The following NID1 variants were observed in gnomAD, a reference collection of about 807,000 sequenced individuals.
The protein encoded by NID1 is nidogen-1.
A neutral mutation model predicts 130.6 loss-of-function variants in NID1; 76 were observed. The ratio of observed to expected loss-of-function variants is 0.58; its 90% CI spans 0.48 to 0.70. The LOEUF (loss-of-function observed/expected upper bound fraction) is 0.70. NID1 is among the 30% of genes least tolerant of loss of function. NID1 has a pLI of 0.00. For missense variants in NID1, 1,517 were observed against 1,664.8 expected, an observed-to-expected ratio of 0.91 and a Z score of 1.54; for synonymous variants, 665 against 675.1, an observed-to-expected ratio of 0.98 and a Z score of 0.23.
rs1572598077 is a variant in NID1, at chr1:236,017,025, A to G, written c.2254+123T>C. On this transcript the variant is annotated intron_variant, in intron 10 of 19. Transcript: ENST00000264187. The stretch of plus-strand genomic sequence containing the variant: ...GAGGCTAAGTCTGATTCATCTTTAT[A>G]AATTGCTCTTCCCAGCACCTTCCAA... 13 of 1,239,866 alleles carry G rather than the reference A, an allele frequency of 1.0e-5. No individual in the cohort carries two copies. In the East Asian group the frequency reaches 2.8e-4, roughly 27 times the overall value. The allele number at this position is 1,239,866 out of a possible 1,614,324, so 76.8% of individuals were successfully genotyped here. A position where few individuals can be genotyped will look rare whatever the true frequency, so the allele number is the denominator to read the frequency against.
chr1:236,040,922 C>T (rs1659434014), intron 4 of NID1, among the ~76,000 whole-genome samples: 1 of 152,122 alleles, frequency 6.6e-6, no homozygotes, highest in African/African-American at 2.4e-5. Context: ...GCCTTGGCCT[C>T]CCAAAGTGCT....
At chr1:235,994,187 C>T (rs997146794) in intron 12 of NID1, among the ~76,000 whole-genome samples, 2 of 152,132 alleles carry the variant, frequency 1.3e-5, no homozygotes, top group African/African-American at 2.4e-5. Context: ...TTTGCGATGG[C>T]GTTTCGCTCC....
At chr1:236,038,370 A>G (rs148206321) in intron 4 of NID1, 117 bp from the exon 5 acceptor site, 58 of 1,076,724 alleles carry the variant, frequency 5.4e-5, no homozygotes, top group Non-Finnish European at 7.6e-5. Flanking sequence ...TGGGCAATTC[A>G]AGGGACCAGG....
At position 236,063,841 on chromosome 1, in the gene NID1, T is replaced by C. The variant is rs920068021; in HGVS notation, c.225+1014A>G. ...AAAAGGGATCCACAGGCTTCACCAGTGTGCAAAGGGGCCAGGGCAGTCAAC... is the reference window on the plus strand; with the variant it reads ...AAAAGGGATCCACAGGCTTCACCAGCGTGCAAAGGGGCCAGGGCAGTCAAC... On this transcript the variant is annotated intron_variant, in intron 1 of 19. Coordinates refer to ENST00000264187, the MANE Select transcript of NID1 (RefSeq NM_002508.3). Among the ~76,000 whole-genome samples, 7 of 152,324 alleles carry C rather than the reference T, an allele frequency of 4.6e-5. No individual in the cohort carries two copies. In the East Asian group the frequency reaches 1.4e-3, roughly 29 times the overall value.
rs78835522 is a variant in NID1, at chr1:236,055,472, T to C, written c.226-6483A>G. ...TTTTGAGTATATTTGAAATTTTTCA[T>C]AATAAAAGTTTATTTTTTAAAAACA... On this transcript the variant is annotated intron_variant, in intron 1 of 19. Transcript: ENST00000264187. 4.4e-3 allele frequency among the ~76,000 whole-genome samples: 663 copies of C among 152,108 alleles called. 8 individuals are homozygous for C. Among genetic ancestry groups the C allele is most frequent in the African/African-American group, 0.015 (625 of 41,486 alleles).
chr1:236,059,910 G>A (rs915399333), intron 1 of NID1, among the ~76,000 whole-genome samples: 4 of 152,096 alleles, frequency 2.6e-5, no homozygotes, highest in Admixed American at 2.6e-4. Flanking sequence ...GACCATCCTG[G>A]CCAACATGGT....
chr1:235,976,864 C>CA lies in NID1; in HGVS notation c.*1002dup, dbSNP rs1657270333. ...ATGGTTGAGTGTAAATTGGTTCTGT[C>CA]ATGTGGAGGCCGGAGGTGAGGGACT... On this transcript the variant is annotated 3_prime_UTR_variant, in exon 20 of 20. Transcript: ENST00000264187. The CA allele has an allele frequency of 6.6e-6, 1 of 152,160 alleles. No homozygotes were observed. Among genetic ancestry groups the CA allele is most frequent in the Non-Finnish European group, 1.5e-5 (1 of 68,056 alleles). The allele number at this position is 152,160 out of a possible 1,614,324, so 9.4% of individuals were successfully genotyped here. A position where few individuals can be genotyped will look rare whatever the true frequency, so the allele number is the denominator to read the frequency against.
chr1:236,005,252 G>T lies in NID1; in HGVS notation c.2527+6669C>A, dbSNP rs1363333518. Among the ~76,000 whole-genome samples, 4 of 151,952 alleles carry T rather than the reference G, an allele frequency of 2.6e-5. No homozygotes were observed. In the East Asian group the frequency reaches 7.7e-4, roughly 29 times the overall value. ...TAGGCGGGGGGTGGGGAGAGAGCCA[G>T]GAAATCTCAAAAGCAAATTGCAATG... On this transcript the variant is annotated intron_variant, in intron 12 of 19. Coordinates refer to ENST00000264187, the MANE Select transcript of NID1 (RefSeq NM_002508.3).
intron 9 of NID1, among the ~76,000 whole-genome samples, chr1:236,020,981 T>G (rs1658742174): frequency 1.3e-5 from 2 of 152,222 alleles, no homozygotes; most frequent in African/African-American, 4.8e-5. Context: ...GCACTCCCAC[T>G]GTGGCAAGCT....
At chr1:236,013,343 A>C (rs1332549973) in intron 11 of NID1, 68 bp downstream of exon 11, 3 of 1,564,200 alleles carry the variant, frequency 1.9e-6, no homozygotes, top group Non-Finnish European at 2.6e-6. Context: ...GGTGATTGGC[A>C]CATGACAGGT....
intron 12 of NID1, among the ~76,000 whole-genome samples, chr1:236,010,182 A>G (rs1256913968): frequency 6.6e-6 from 1 of 151,948 alleles, no homozygotes; most frequent in African/African-American, 2.4e-5. Flanking sequence ...ATTAAAATCT[A>G]TGAGTAGTGG....
chr1:236,017,091 T>G, intron 10 of NID1, 57 bp downstream of exon 10: 7 of 1,608,396 alleles, frequency 4.4e-6, no homozygotes, highest in Non-Finnish European at 5.1e-6. Flanking sequence ...AACTTTTGCA[T>G]AAGAGCTAAT....
chr1:236,040,786 C>A (rs545333086), intron 4 of NID1, among the ~76,000 whole-genome samples: 2 of 152,030 alleles, frequency 1.3e-5, no homozygotes, highest in South Asian at 4.2e-4. Context: ...GCCTCAGCCT[C>A]CAGATTGGCT....
At chr1:236,002,101 T>TCCCA (rs1658092781) in intron 12 of NID1, among the ~76,000 whole-genome samples, 2 of 152,180 alleles carry the variant, frequency 1.3e-5, no homozygotes, top group Non-Finnish European at 2.9e-5. Flanking sequence ...AGGGCCCTGG[T>TCCCA]CAGTGGCACA....
chr1:236,060,960 C>A (rs1558453299), intron 1 of NID1, among the ~76,000 whole-genome samples: 1 of 152,134 alleles, frequency 6.6e-6, no homozygotes, highest in African/African-American at 2.4e-5. Context: ...GAGCCTAGTA[C>A]TGTATTACAC....
rs552021881 is a variant in NID1, at chr1:236,008,743, C to T, written c.2527+3178G>A. Reference sequence around the variant, plus strand: ...ATGCAACGGCGTGATCTCGGATCACCGCAACCTCTGCCCCCCAGGTTCAAG... The same window carrying T: ...ATGCAACGGCGTGATCTCGGATCACTGCAACCTCTGCCCCCCAGGTTCAAG... On this transcript the variant is annotated intron_variant, in intron 12 of 19. Coordinates refer to ENST00000264187, the MANE Select transcript of NID1 (RefSeq NM_002508.3). Among the ~76,000 whole-genome samples, 108 of 151,902 alleles carry T rather than the reference C, an allele frequency of 7.1e-4. 1 individual carries two copies. The highest frequency in any genetic ancestry group is 1.3e-3 in the Non-Finnish European group (89 of 67,948).
intron 14 of NID1, among the ~76,000 whole-genome samples, chr1:235,989,019 C>T (rs906240215): frequency 1.5e-4 from 22 of 150,884 alleles, no homozygotes; most frequent in African/African-American, 5.1e-4. Context: ...ATGTTTATCC[C>T]GTTGTTTCAG....
intron 1 of NID1, chr1:236,064,435 G>A (rs7536966): frequency 0.029 from 5,740 of 196,394 alleles, 334 homozygotes; most frequent in African/African-American, 0.13. Context: ...CGCAGACTGC[G>A]ATCCAGCTCC....
At chr1:236,016,806 A>C (rs897999169) in intron 10 of NID1, among the ~76,000 whole-genome samples, 3 of 151,468 alleles carry the variant, frequency 2.0e-5, no homozygotes, top group African/African-American at 7.3e-5. Context: ...GTGAACCCCA[A>C]GGCTACTAAT....
Sources: allele counts gnomAD v4.1 joint callset (sites outside exome capture counted in the v4.1 genomes callset), GRCh38; gene constraint gnomAD v4.1.1; transcripts MANE v1.5; gene names NCBI Gene and HGNC (gene_info 2026-07-23, HGNC 2026-07-21).